INPP5A: variants seen among roughly 807,000 people sequenced by gnomAD.
INPP5A encodes the protein inositol polyphosphate-5-phosphatase A, also known as 43 kDa inositol polyphosphate 5-phophatase.
INPP5A carries 14 observed loss-of-function variants against 65.2 expected under a neutral mutation model. The observed-to-expected ratio is 0.21, with a 90% confidence interval of 0.14 to 0.34. The LOEUF is 0.34. Among genes scored for constraint, INPP5A ranks in the 10% least tolerant of loss-of-function variants. INPP5A has a pLI of 1.00. For missense variants in INPP5A, 431 were observed against 545.6 expected (o/e 0.79, Z 2.09); for synonymous variants, 207 against 208.3 (o/e 0.99, Z 0.05).
At chr10:132,641,795 T>C (rs1426393183) in intron 2 of INPP5A, among the ~76,000 whole-genome samples, 1 of 152,280 alleles carries the variant, frequency 6.6e-6, no homozygotes, top group Non-Finnish European at 1.5e-5. Context: ...AACTTGGTTT[T>C]CAAAGGAAGT....
intron 7 of INPP5A, 128 bp downstream of exon 7, chr10:132,708,493 GACCCCC>G (rs1845577913): frequency 3.4e-6 from 3 of 881,346 alleles, no homozygotes; most frequent in Non-Finnish European, 5.8e-6. Flanking sequence ...CCAGCTGCCT[GACCCCC>G]ACCTGCCACT....
chr10:132,727,040 T>C lies in INPP5A; in HGVS notation c.732+135T>C. ...GGGATGCACTTTTTAAGGCAAAACC[T>C]TTCAATGAAGAAGCATGTTTTGCTG... On this transcript the variant is annotated intron_variant, in intron 9 of 15. Transcript: ENST00000368594. This position sits in a 1 kb window ranked among gnomAD's most constrained non-coding sequence, Gnocchi z 6.5. 1.9e-6 allele frequency: 1 copy of C among 536,186 alleles called. No individual in the cohort carries two copies. Among genetic ancestry groups the C allele is most frequent in the East Asian group, 3.1e-5 (1 of 32,222 alleles). 33.2% of individuals were successfully genotyped at this position (536,186 alleles called of 1,614,324 possible).
intron 1 of INPP5A, among the ~76,000 whole-genome samples, chr10:132,568,766 C>G (rs1363854459): frequency 6.6e-6 from 1 of 151,912 alleles, no homozygotes; most frequent in Non-Finnish European, 1.5e-5. Flanking sequence ...TCAAACAAAA[C>G]AAAACAAAAC....
At chr10:132,771,973 A>G (rs71503755) in intron 12 of INPP5A, among the ~76,000 whole-genome samples, 98 of 2,472 alleles carry the variant, frequency 0.04, 37 homozygotes, top group South Asian at 0.067. Context: ...CACGGCAGCC[A>G]CCCCACGAGG....
chr10:132,726,635 G>A (rs1845990450), intron 8 of INPP5A, among the ~76,000 whole-genome samples, 186 bp from the exon 9 acceptor site: 1 of 152,164 alleles, frequency 6.6e-6, no homozygotes, highest in African/African-American at 2.4e-5. Flanking sequence ...CTGCTCAGTG[G>A]ACCTCTATTG....
At chr10:132,777,034 G>T (rs1364777526) in intron 12 of INPP5A, among the ~76,000 whole-genome samples, 1 of 152,196 alleles carries the variant, frequency 6.6e-6, no homozygotes, top group Admixed American at 6.5e-5. Context: ...TCACTGTGTG[G>T]GTGAAGGGCT....
chr10:132,774,801 A>G, intron 12 of INPP5A, among the ~76,000 whole-genome samples: 1 of 145,648 alleles, frequency 6.9e-6, no homozygotes, highest in East Asian at 2.0e-4. Context: ...TACAGGGAGG[A>G]GAGAGGGGCA....
At chr10:132,543,809 G>C (rs1381611622) in intron 1 of INPP5A, among the ~76,000 whole-genome samples, 2 of 152,240 alleles carry the variant, frequency 1.3e-5, no homozygotes, top group Non-Finnish European at 2.9e-5. Flanking sequence ...TGTTTGGCCT[G>C]TTCCCTCCTT....
At chr10:132,766,122 G>C (rs1846839790) in intron 12 of INPP5A, among the ~76,000 whole-genome samples, 1 of 150,496 alleles carries the variant, frequency 6.6e-6, no homozygotes. Flanking sequence ...GTGTGCACCT[G>C]TGCATCTGTG....
chr10:132,750,712 G>A lies in INPP5A; in HGVS notation c.903+867G>A, dbSNP rs181047881. On this transcript the variant is annotated intron_variant, in intron 11 of 15. Coordinates refer to ENST00000368594, the MANE Select transcript of INPP5A (RefSeq NM_005539.5). The stretch of plus-strand genomic sequence containing the variant: ...CCACTGTGGCGATTCCAAGCCACAC[G>A]TGATGCCGTGTGCAACGAGCCAGCA... Among the ~76,000 whole-genome samples, 342 of 152,322 alleles carry A rather than the reference G, an allele frequency of 2.2e-3. 1 individual carries two copies. Among genetic ancestry groups the A allele is most frequent in the African/African-American group, 7.8e-3 (325 of 41,574 alleles).
chr10:132,688,520 G>A lies in INPP5A; in HGVS notation c.307-1872G>A, dbSNP rs1845180346. Among the ~76,000 whole-genome samples the A allele has an allele frequency of 2.6e-5, 4 of 152,240 alleles. No homozygotes were observed. In the South Asian group the frequency reaches 8.3e-4, roughly 32 times the overall value. On this transcript the variant is annotated intron_variant, in intron 4 of 15. Coordinates refer to ENST00000368594, the MANE Select transcript of INPP5A (RefSeq NM_005539.5). ...CCCGTAGGGCAGCATCTCAGCAGGA[G>A]GTCCACACTGGGGCACTCAGAACTG...
In INPP5A at chr10:132,551,116, C is replaced by T. The variant is rs1274619697; in HGVS notation, c.75+12945C>T. On this transcript the variant is annotated intron_variant, in intron 1 of 15. Coordinates refer to ENST00000368594, the MANE Select transcript of INPP5A (RefSeq NM_005539.5). The surrounding 1 kb of genome is among the most constrained non-coding windows in gnomAD (Gnocchi z 5.3). Reference sequence around the variant, plus strand: ...GATGATGGGGATGAGGCCCAGAGTGCGAGCCTGGTGGGCAGCTGTGGAGCC... The same window carrying T: ...GATGATGGGGATGAGGCCCAGAGTGTGAGCCTGGTGGGCAGCTGTGGAGCC... 1.3e-5 allele frequency among the ~76,000 whole-genome samples: 2 copies of T among 152,200 alleles called. No individual in the cohort carries two copies. Among genetic ancestry groups the T allele is most frequent in the Admixed American group, 6.5e-5 (1 of 15,278 alleles).
At chr10:132,726,931 TG>T in intron 9 of INPP5A, 26 bp downstream of exon 9, 7 of 1,541,630 alleles carry the variant, frequency 4.5e-6, no homozygotes, top group Non-Finnish European at 6.2e-6. Context: ...CCTCCCGCCC[TG>T]GTCTCATGCC....
intron 12 of INPP5A, among the ~76,000 whole-genome samples, chr10:132,769,011 G>A (rs1846903193): frequency 6.6e-6 from 1 of 152,200 alleles, no homozygotes; most frequent in African/African-American, 2.4e-5. Context: ...GACCCTGAGA[G>A]GAGACAGCAT....
chr10:132,718,351 G>T (rs1845784310), intron 8 of INPP5A, among the ~76,000 whole-genome samples: 1 of 149,724 alleles, frequency 6.7e-6, no homozygotes, highest in Non-Finnish European at 1.5e-5. Context: ...ACCTTAGACA[G>T]CTGTCTTCAG....
intron 11 of INPP5A, among the ~76,000 whole-genome samples, chr10:132,754,152 C>T (rs1268912299): frequency 6.6e-6 from 1 of 152,238 alleles, no homozygotes; most frequent in Non-Finnish European, 1.5e-5. Context: ...GACCCTCCCG[C>T]CACACAGGAT....
chr10:132,650,143 T>C lies in INPP5A; in HGVS notation c.219-275T>C, dbSNP rs111666782. Among the ~76,000 whole-genome samples, 1,174 of 152,302 alleles carry C rather than the reference T, an allele frequency of 7.7e-3. 14 individuals are homozygous for C. The highest frequency in any genetic ancestry group is 0.027 in the African/African-American group (1,125 of 41,566). On this transcript the variant is annotated intron_variant, in intron 3 of 15. Transcript: ENST00000368594. The surrounding 1 kb of genome is among the most constrained non-coding windows in gnomAD (Gnocchi z 5.5). ...CATGAGACCTTGGGTGAGTTCTCAA[T>C]GTCTCCATCCCTGGGATGCCTCAGA...
chr10:132,716,426 A>T (rs1845740829), intron 8 of INPP5A, among the ~76,000 whole-genome samples: 1 of 152,148 alleles, frequency 6.6e-6, no homozygotes, highest in South Asian at 2.1e-4. Flanking sequence ...ATCGCCTGTG[A>T]CCAACATGTC....
intron 2 of INPP5A, among the ~76,000 whole-genome samples, chr10:132,645,233 A>C (rs998560751): frequency 6.6e-6 from 1 of 152,074 alleles, no homozygotes; most frequent in African/African-American, 2.4e-5. Context: ...GGGCAGGGGC[A>C]CCAGTGGCCG....
Sources: allele counts gnomAD v4.1 joint callset (sites outside exome capture counted in the v4.1 genomes callset), GRCh38; gene constraint gnomAD v4.1.1; non-coding constraint Gnocchi (gnomAD v3.1); transcripts MANE v1.5; gene names NCBI Gene and HGNC (gene_info 2026-07-23, HGNC 2026-07-21).